EFR3B: variants seen among roughly 807,000 people sequenced by gnomAD.
The protein encoded by EFR3B is protein EFR3 homolog B.
Under a neutral mutation model 104.7 loss-of-function variants are expected in EFR3B, and 64 were observed. That is an observed-to-expected ratio of 0.61 (90% CI 0.50 to 0.75). The LOEUF is 0.75. Ranked by LOEUF, EFR3B falls within the 30% of genes least tolerant of loss-of-function variation. The pLI is 0.00. For synonymous variants in EFR3B, 385 were observed against 417.9 expected, an observed-to-expected ratio of 0.92 and a Z score of 0.96; for missense variants, 750 against 1,078.5, an observed-to-expected ratio of 0.70 and a Z score of 4.27.
intron 3 of EFR3B, among the ~76,000 whole-genome samples, chr2:25,094,079 G>T (rs999082719): frequency 5.2e-4 from 79 of 151,884 alleles, no homozygotes; most frequent in African/African-American, 1.9e-3. Flanking sequence ...TTGAGCCCAG[G>T]AGTTCAAAAC....
intron 1 of EFR3B, among the ~76,000 whole-genome samples, chr2:25,088,084 C>T (rs1204777548): frequency 1.3e-5 from 2 of 151,248 alleles, no homozygotes; most frequent in Admixed American, 6.6e-5. Flanking sequence ...GAAGCTTCCT[C>T]GTGCACTCGT....
intron 1 of EFR3B, among the ~76,000 whole-genome samples, chr2:25,060,625 A>T (rs1171040012): frequency 5.3e-5 from 8 of 152,096 alleles, no homozygotes; most frequent in Non-Finnish European, 1.2e-4. Flanking sequence ...GATATAAAAA[A>T]ACTAGCCACT....
At chr2:25,133,479 C>G in intron 12 of EFR3B, 45 bp downstream of exon 12, 1 of 1,538,330 alleles carries the variant, frequency 6.5e-7, no homozygotes, top group Non-Finnish European at 8.8e-7. Context: ...CTGCAGGAGA[C>G]AGCTCCTTCC....
At chr2:25,100,704 T>G (rs1669408612) in intron 3 of EFR3B, among the ~76,000 whole-genome samples, 1 of 152,184 alleles carries the variant, frequency 6.6e-6, no homozygotes, top group African/African-American at 2.4e-5. Context: ...GTGTTAGCCA[T>G]GATGGTCTCA....
chr2:25,132,416 G>C (rs1012321772), intron 10 of EFR3B, among the ~76,000 whole-genome samples: 1 of 152,148 alleles, frequency 6.6e-6, no homozygotes, highest in Non-Finnish European at 1.5e-5. Flanking sequence ...TCCTGGGAGC[G>C]GAGATTAGAT....
intron 3 of EFR3B, among the ~76,000 whole-genome samples, chr2:25,098,909 G>A (rs2149188728): frequency 6.9e-6 from 1 of 144,608 alleles, no homozygotes; most frequent in African/African-American, 2.6e-5. Context: ...ATTTTTTCAG[G>A]AAGAGGAAAA....
chr2:25,042,530 C>G lies in EFR3B; in HGVS notation c.7+211C>G. 1 of 1,207,800 alleles carries G rather than the reference C, an allele frequency of 8.3e-7. No homozygotes were observed. Among genetic ancestry groups the G allele is most frequent in the Non-Finnish European group, 1.0e-6 (1 of 972,764 alleles). The allele number at this position is 1,207,800 out of a possible 1,614,324, so 74.8% of individuals were successfully genotyped here. A position where few individuals can be genotyped will look rare whatever the true frequency, so the allele number is the denominator to read the frequency against. On this transcript the variant is annotated intron_variant, in intron 1 of 22. Coordinates refer to ENST00000403714, the MANE Select transcript of EFR3B (RefSeq NM_014971.2). This position sits in a 1 kb window ranked among gnomAD's most constrained non-coding sequence, Gnocchi z 5.4. The stretch of plus-strand genomic sequence containing the variant: ...CGGGGACCCTGGGGTCCTCTCCAGG[C>G]CCGGCGCGTGCCGGTGCTGGGCGGT...
At chr2:25,133,553 G>A in intron 12 of EFR3B, 119 bp downstream of exon 12, 3 of 1,062,124 alleles carry the variant, frequency 2.8e-6, no homozygotes, top group Non-Finnish European at 4.2e-6. Context: ...AATACACCCA[G>A]TCGGTTGAGT....
chr2:25,109,536 T>TAAC (rs1391449655), intron 4 of EFR3B, among the ~76,000 whole-genome samples: 1 of 152,200 alleles, frequency 6.6e-6, no homozygotes, highest in Non-Finnish European at 1.5e-5. Context: ...CCAAAATAAT[T>TAAC]AACAACAGGT....
At chr2:25,054,993 C>T (rs200364860) in intron 1 of EFR3B, among the ~76,000 whole-genome samples, 1 of 152,220 alleles carries the variant, frequency 6.6e-6, no homozygotes, top group East Asian at 1.9e-4. Context: ...ATTCTAAATT[C>T]GTATGCATGA....
chr2:25,070,451 G>A (rs1189722619), intron 1 of EFR3B, among the ~76,000 whole-genome samples: 1 of 151,938 alleles, frequency 6.6e-6, no homozygotes, highest in East Asian at 1.9e-4. Context: ...TAGTAGAGAT[G>A]GGGGTTTCAC....
At chr2:25,145,301 G>A (rs1050660596) in intron 19 of EFR3B, 1 of 550,478 alleles carries the variant, frequency 1.8e-6, no homozygotes, top group Middle Eastern at 4.8e-4. Context: ...GCTGGGGATG[G>A]TGGCTCACAC....
At position 25,131,706 on chromosome 2, in the gene EFR3B, G is replaced by A. The variant is rs1467765322; in HGVS notation, c.986-44G>A. On this transcript the variant is annotated intron_variant, in intron 9 of 22. Transcript: ENST00000403714. The surrounding 1 kb of genome is among the most constrained non-coding windows in gnomAD (Gnocchi z 7.6). ...CTGCGCGCGGTGCACAGAGGAGGAG[G>A]GTGCCAGCCTTGGATCTCGGGTGTC... The A allele has an allele frequency of 2.0e-6, 3 of 1,483,784 alleles. No individual in the cohort carries two copies. The highest frequency in any genetic ancestry group is 2.8e-5 in the African/African-American group (2 of 71,552). 91.9% of individuals were successfully genotyped at this position (1,483,784 alleles called of 1,614,324 possible). A position where few individuals can be genotyped will look rare whatever the true frequency, so the allele number is the denominator to read the frequency against.
intron 5 of EFR3B, among the ~76,000 whole-genome samples, chr2:25,122,714 C>T (rs1670049083): frequency 2.0e-5 from 3 of 152,156 alleles, no homozygotes; most frequent in Middle Eastern, 3.4e-3. Flanking sequence ...GCCCTGCACA[C>T]CCCCACATGC....
At chr2:25,138,353 C>T (rs915303214) in intron 15 of EFR3B, among the ~76,000 whole-genome samples, 1 of 152,118 alleles carries the variant, frequency 6.6e-6, no homozygotes, top group African/African-American at 2.4e-5. Flanking sequence ...AGTGTGGCAC[C>T]GGACAGGGCT....
At chr2:25,097,605 G>C (rs955329977) in intron 3 of EFR3B, among the ~76,000 whole-genome samples, 1 of 152,174 alleles carries the variant, frequency 6.6e-6, no homozygotes. Context: ...TTTAGCATGG[G>C]GACGGCGGTG....
intron 1 of EFR3B, chr2:25,081,391 C>T: frequency 9.1e-7 from 1 of 1,103,674 alleles, no homozygotes; most frequent in South Asian, 1.3e-5. Context: ...ACAGTTTATC[C>T]TGCACATGTT....
chr2:25,083,086 GC>G (rs1668854948), intron 1 of EFR3B, among the ~76,000 whole-genome samples: 1 of 152,202 alleles, frequency 6.6e-6, no homozygotes. Context: ...CTACTGATTT[GC>G]CTTTTCAGTG....
chr2:25,080,627 C>G, intron 1 of EFR3B: 1 of 581,960 alleles, frequency 1.7e-6, no homozygotes, highest in Non-Finnish European at 3.1e-6. Flanking sequence ...GAGGCCATGG[C>G]CAAACCAGCA....
Sources: allele counts gnomAD v4.1 joint callset (sites outside exome capture counted in the v4.1 genomes callset), GRCh38; gene constraint gnomAD v4.1.1; non-coding constraint Gnocchi (gnomAD v3.1); transcripts MANE v1.5; gene names NCBI Gene and HGNC (gene_info 2026-07-23, HGNC 2026-07-21).